The following CNGA4 variants were observed in gnomAD, a reference collection of about 807,000 sequenced individuals.
CNGA4 encodes the protein cyclic nucleotide gated channel subunit alpha 4.
In CNGA4, 32 loss-of-function variants were observed where a neutral mutation model predicts 45.6. The observed-to-expected ratio is 0.70, with a 90% CI of 0.53 to 0.94. The LOEUF (loss-of-function observed/expected upper bound fraction) is 0.94, where lower values mean the gene tolerates loss of function less well. Among genes scored for constraint, CNGA4 ranks in the 40% least tolerant of loss-of-function variants. The probability of loss-of-function intolerance (pLI) is 0.00; values close to 1 mark genes in which losing one functional copy is unlikely to be tolerated. For synonymous variants in CNGA4, 293 were observed against 304.6 expected, an observed-to-expected ratio of 0.96 and a Z score of 0.40; for missense variants, 726 against 755.1, an observed-to-expected ratio of 0.96 and a Z score of 0.45.
At chr11:6,236,465 G>A (rs772173207), upstream of CNGA4, among the ~76,000 whole-genome samples, 1 of 152,156 alleles carries the variant, frequency 6.6e-6, no homozygotes, top group Non-Finnish European at 1.5e-5. Context: ...ATTTTTAGAA[G>A]GTAGATCACC....
chr11:6,237,501 A>G (rs1254630906), upstream of CNGA4, among the ~76,000 whole-genome samples: 1 of 152,048 alleles, frequency 6.6e-6, no homozygotes, highest in Admixed American at 6.5e-5. Context: ...ACTGACGTCA[A>G]TCAGACAGAG....
At chr11:6,239,901 C>CTA (rs1031924719) in intron 3 of CNGA4, 111 bp downstream of exon 3, 15 of 1,336,870 alleles carry the variant, frequency 1.1e-5, no homozygotes, top group Non-Finnish European at 1.4e-5. Flanking sequence ...TCGCGTGCCT[C>CTA]TATGCCTGAC....
rs1564876634 is a variant in CNGA4, at chr11:6,239,232, C to CTGT, written c.26_27insTGT (p.Thr9_Thr10insVal). 2 of 1,614,014 alleles carry CTGT rather than the reference C, an allele frequency of 1.2e-6. No individual in the cohort carries two copies. The highest frequency in any genetic ancestry group is 1.7e-6 in the Non-Finnish European group (2 of 1,180,008). On this transcript the variant is annotated inframe_insertion, in exon 1 of 6. Transcript: ENST00000379936. ...ATGAGCCAGGACACCAAAGTGAAGA[C>CTGT]AACAGAGTCCAGTCCCCCAGCCCCA...
upstream of CNGA4, chr11:6,238,969 G>A: frequency 7.9e-7 from 1 of 1,260,310 alleles, no homozygotes; most frequent in Non-Finnish European, 1.0e-6. Context: ...TGTTTAGCTG[G>A]GCAGGTGTAA....
chr11:6,244,540 C>A, downstream of CNGA4: 1 of 722,386 alleles, frequency 1.4e-6, no homozygotes, highest in East Asian at 3.3e-5. This position sits in a 1 kb window ranked among gnomAD's most constrained non-coding sequence, Gnocchi z 4.5. Context: ...AGATGCCCAG[C>A]TAGAGATATA....
Position 6,241,721 on chromosome 11 carries a change from A to C in CNGA4, c.1208A>C (p.Gln403Pro). ...LAVVADDGIT[Q>P]YAVLGAGLYF... ...GTGGTGGCAGATGATGGTATCACAC[A>C]GTATGCTGTGCTCGGTGCAGGGCTC... is the stretch of plus-strand genomic sequence containing the variant. Residue 403 changes from glutamine to proline, a missense_variant, in exon 5 of 6, where the codon CAG becomes CCG. Coordinates refer to ENST00000379936, the MANE Select transcript of CNGA4 (RefSeq NM_001037329.4). 1 of 1,614,218 alleles carries C rather than the reference A, an allele frequency of 6.2e-7. No individual in the cohort carries two copies. The highest frequency in any genetic ancestry group is 8.5e-7 in the Non-Finnish European group (1 of 1,180,042).
chr11:6,239,370 T>A lies in CNGA4; in HGVS notation c.63-14T>A. On this transcript the variant is annotated splice_polypyrimidine_tract_variant and intron_variant, in intron 1 of 5. Transcript: ENST00000379936. ...GCCTGGTGAATAAATGAAGCAAGAC[T>A]TTCTTTCTTACAGGAAGTTGCTGCC... 1 of 1,613,802 alleles carries A rather than the reference T, an allele frequency of 6.2e-7. No individual in the cohort carries two copies. Among genetic ancestry groups the A allele is most frequent in the Non-Finnish European group, 8.5e-7 (1 of 1,179,622 alleles).
At chr11:6,236,085 CT>C (rs1564875364), upstream of CNGA4, among the ~76,000 whole-genome samples, 20 of 151,870 alleles carry the variant, frequency 1.3e-4, no homozygotes, top group East Asian at 2.3e-3. Flanking sequence ...ATTTTTGCAA[CT>C]TTTCTGTAAG....
At chr11:6,238,245 C>T (rs1295435112), upstream of CNGA4, among the ~76,000 whole-genome samples, 3 of 152,178 alleles carry the variant, frequency 2.0e-5, no homozygotes, top group Non-Finnish European at 4.4e-5. Context: ...GACTATTTCA[C>T]CTAGCAGACT....
upstream of CNGA4, chr11:6,235,422 C>CA: frequency 1.0e-6 from 1 of 960,924 alleles, no homozygotes; most frequent in Middle Eastern, 5.4e-4. Context: ...TCCAGGACCT[C>CA]AGAGAATTGC....
At position 6,239,932 on chromosome 11, in the gene CNGA4, G is replaced by A. The variant is rs558605371; in HGVS notation, c.272-134G>A. On this transcript the variant is annotated intron_variant, in intron 3 of 5. Transcript: ENST00000379936. ...CTGACAGCATCCCAGTGCTCACCCC[G>A]GAAAGCCGGGAGCAGAGTTATGCCT... is the stretch of plus-strand genomic sequence containing the variant. The A allele has an allele frequency of 6.0e-4, 822 of 1,376,762 alleles. 9 individuals are homozygous for A. Among genetic ancestry groups the A allele is most frequent in the East Asian group, 5.2e-3 (216 of 41,604 alleles). 85.3% of individuals were successfully genotyped at this position (1,376,762 alleles called of 1,614,324 possible).
upstream of CNGA4, among the ~76,000 whole-genome samples, chr11:6,235,241 T>C (rs1047171681): frequency 2.6e-5 from 4 of 152,172 alleles, no homozygotes; most frequent in Admixed American, 6.5e-5. Flanking sequence ...TGCTCCATCG[T>C]CGTGCATAGC....
intron 3 of CNGA4, 125 bp from the exon 4 acceptor site, chr11:6,239,941 G>T: frequency 7.1e-7 from 1 of 1,401,848 alleles, no homozygotes. Context: ...CGGAAAGCCG[G>T]GAGCAGAGTT....
chr11:6,234,860 A>C (rs1418966146), upstream of CNGA4: 1 of 152,738 alleles, frequency 6.5e-6, no homozygotes, highest in Non-Finnish European at 1.5e-5. Context: ...GTCCCTTCGT[A>C]CGTAAACCCC....
At chr11:6,242,368 C>T (rs1003975712) in intron 5 of CNGA4, among the ~76,000 whole-genome samples, 2 of 152,112 alleles carry the variant, frequency 1.3e-5, no homozygotes, top group Non-Finnish European at 2.9e-5. Context: ...CTAGGCCAAG[C>T]CAGGTACTAC....
At chr11:6,239,996 C>T in intron 3 of CNGA4, 70 bp from the exon 4 acceptor site, 1 of 1,541,076 alleles carries the variant, frequency 6.5e-7, no homozygotes, top group African/African-American at 1.4e-5. Flanking sequence ...CCTGGCCTGC[C>T]CTGGGCAGCT....
At chr11:6,243,594 G>T (rs1218842643) in intron 5 of CNGA4, among the ~76,000 whole-genome samples, 1 of 152,156 alleles carries the variant, frequency 6.6e-6, no homozygotes, top group Non-Finnish European at 1.5e-5. Context: ...TTATATCTTA[G>T]GACATCCCTT....
chr11:6,236,060 T>G (rs1302913471), upstream of CNGA4, among the ~76,000 whole-genome samples: 1 of 144,268 alleles, frequency 6.9e-6, no homozygotes, highest in East Asian at 2.1e-4. Context: ...AAGGAATTTA[T>G]GAGAACTCTG....
rs1350569017 is a variant in CNGA4 at position 6,243,967 on chromosome 11, G to C, written c.1286G>C (p.Arg429Pro). 1 of 1,613,388 alleles carries C rather than the reference G, an allele frequency of 6.2e-7. No individual in the cohort carries two copies. Among genetic ancestry groups the C allele is most frequent in the African/African-American group, 1.3e-5 (1 of 74,888 alleles). Reference sequence around the variant, plus strand: ...GCCACAGGGAACATGTCTGGGAACCGCCGCACAGCCAACATCAAGAGCCTA... The same window carrying C: ...GCCACAGGGAACATGTCTGGGAACCCCCGCACAGCCAACATCAAGAGCCTA... ...INIKGNMSGN[R>P]RTANIKSLGY... Residue 429 changes from arginine to proline, a missense_variant, in exon 6 of 6, where the codon CGC (arginine) becomes CCC (proline). Physicochemically the swap from Arg to Pro is moderately radical, Grantham distance 103. Coordinates refer to ENST00000379936, the MANE Select transcript of CNGA4 (RefSeq NM_001037329.4).
Sources: allele counts gnomAD v4.1 joint callset (sites outside exome capture counted in the v4.1 genomes callset), GRCh38; gene constraint gnomAD v4.1.1; non-coding constraint Gnocchi (gnomAD v3.1); transcripts MANE v1.5; gene names NCBI Gene and HGNC (gene_info 2026-07-23, HGNC 2026-07-21).